C4orf50: variants seen among roughly 807,000 people sequenced by gnomAD.
The protein encoded by C4orf50 is chromosome 4 open reading frame 50.
In C4orf50, 80 loss-of-function variants were observed where a neutral mutation model predicts 77.2. The observed-to-expected ratio is 1.04, with a 90% confidence interval of 0.87 to 1.25. The LOEUF is 1.25. Ranked by LOEUF, C4orf50 falls within the 50% of genes most tolerant of loss-of-function variation. C4orf50 has a pLI of 0.00. For missense variants in C4orf50, 1,257 were observed against 1,152.9 expected (o/e 1.09, Z -1.31); for synonymous variants, 532 against 465.3 (o/e 1.14, Z -1.84).
chr4:5,914,143 C>T (rs943103307), intron 7 of C4orf50, among the ~76,000 whole-genome samples: 8 of 150,930 alleles, frequency 5.3e-5, no homozygotes, highest in African/African-American at 1.5e-4. Flanking sequence ...GAAACTTACC[C>T]GCAGGGATAA....
intron 28 of C4orf50, among the ~76,000 whole-genome samples, chr4:5,981,473 C>T (rs951676490): frequency 2.8e-4 from 41 of 148,022 alleles, no homozygotes; most frequent in African/African-American, 9.5e-4. Flanking sequence ...GGCATGACCT[C>T]GGCTCACCGC....
At chr4:5,920,834 A>G (rs1560542002) in intron 7 of C4orf50, among the ~76,000 whole-genome samples, 1 of 152,002 alleles carries the variant, frequency 6.6e-6, no homozygotes, top group East Asian at 1.9e-4. Context: ...AACGCAAACA[A>G]CTCCGTGCTC....
intron 31 of C4orf50, among the ~76,000 whole-genome samples, chr4:5,968,796 C>T (rs922356278): frequency 2.0e-5 from 3 of 152,170 alleles, no homozygotes; most frequent in Admixed American, 6.5e-5. Context: ...GCTCCTTCAA[C>T]GCGAGACTGG....
At chr4:5,962,836 A>G (rs976351886) in intron 33 of C4orf50, among the ~76,000 whole-genome samples, 3 of 152,126 alleles carry the variant, frequency 2.0e-5, no homozygotes, top group Non-Finnish European at 2.9e-5. Context: ...TGCTGTTGCT[A>G]TCACTGTCGT....
chr4:5,971,625 G>C (rs1299878486), intron 31 of C4orf50, among the ~76,000 whole-genome samples: 1 of 152,126 alleles, frequency 6.6e-6, no homozygotes. Flanking sequence ...TCTCGTTCTG[G>C]GCTCTCAAGT....
intron 26 of C4orf50, among the ~76,000 whole-genome samples, chr4:5,993,348 G>A (rs1299436900): frequency 6.6e-6 from 1 of 152,238 alleles, no homozygotes; most frequent in South Asian, 2.1e-4. Context: ...AAGGGAAAAC[G>A]CTGGTTGCAT....
At chr4:5,997,280 G>C (rs12500520) in intron 25 of C4orf50, among the ~76,000 whole-genome samples, 38,592 of 152,170 alleles carry the variant, frequency 0.25, 5,651 homozygotes, top group East Asian at 0.62. Flanking sequence ...TGCTCGCTGA[G>C]CATCTACTAT....
intron 7 of C4orf50, among the ~76,000 whole-genome samples, chr4:5,948,659 G>C (rs796852318): frequency 7.2e-5 from 11 of 152,272 alleles, no homozygotes; most frequent in African/African-American, 2.6e-4. Context: ...GCCGGGTGTG[G>C]TGCCATGCAC....
intron 32 of C4orf50, 132 bp from the exon 11 acceptor site, chr4:5,965,277 G>GT: frequency 2.3e-6 from 2 of 885,720 alleles, no homozygotes; most frequent in Admixed American, 2.8e-5. Context: ...CATGCCCCGG[G>GT]GCAGAGGTCC....
chr4:5,921,707 T>A (rs1717282248), intron 7 of C4orf50, among the ~76,000 whole-genome samples: 1 of 152,150 alleles, frequency 6.6e-6, no homozygotes, highest in African/African-American at 2.4e-5. Flanking sequence ...AAAGCTTCCA[T>A]GCAAAGGTAG....
intron 7 of C4orf50, among the ~76,000 whole-genome samples, chr4:5,935,513 T>C (rs28495535): frequency 0.25 from 37,359 of 152,006 alleles, 6,210 homozygotes; most frequent in African/African-American, 0.47. Flanking sequence ...CAGGGCTGGG[T>C]GTGGTGGCTC....
At chr4:6,005,532 T>G (rs187972754) in intron 25 of C4orf50, among the ~76,000 whole-genome samples, 10 of 152,284 alleles carry the variant, frequency 6.6e-5, no homozygotes, top group Non-Finnish European at 1.3e-4. Flanking sequence ...TCTCGAGGTC[T>G]GGGCAGCAGG....
rs190595984 is a variant in C4orf50, at chr4:6,016,286, C to T, written c.287+1859G>A. On this transcript the variant is annotated intron_variant, in intron 23 of 33. Transcript: ENST00000531445. ...TTTTGTGGCCAGGTGTGGTGGCTCA[C>T]GTCTATAATCCCAACACTTTGGGAG... Among the ~76,000 whole-genome samples the T allele has an allele frequency of 1.6e-4, 25 of 152,238 alleles. No individual in the cohort carries two copies. In the East Asian group the frequency reaches 3.9e-3, roughly 24 times the overall value.
chr4:5,955,105 A>G (rs1718894443), downstream of C4orf50, among the ~76,000 whole-genome samples: 1 of 151,618 alleles, frequency 6.6e-6, no homozygotes, highest in Non-Finnish European at 1.5e-5. This position sits in a 1 kb window ranked among gnomAD's most constrained non-coding sequence, Gnocchi z 5.1. Context: ...TCTCCTTCCC[A>G]CCTGCACCTT....
In C4orf50 at chr4:5,932,086, G is replaced by C. The variant is rs546177211; in HGVS notation, c.*2474+24815C>G. 1.6e-5 allele frequency among the ~76,000 whole-genome samples: 2 copies of C among 123,422 alleles called. No homozygotes were observed. Among genetic ancestry groups the C allele is most frequent in the Non-Finnish European group, 3.1e-5 (2 of 64,084 alleles). The allele number at this position is 123,422 out of a possible 152,430, so 81.0% of individuals were successfully genotyped here. On this transcript the variant is annotated intron_variant, in intron 7 of 7. Coordinates refer to the C4orf50 transcript ENST00000324058. The surrounding 1 kb of genome is among the most constrained non-coding windows in gnomAD (Gnocchi z 4.2). ...CCCCTGCCAACTGTCTCTAATTTCC[G>C]TGCAATGTTTGGCCTCTTGCCCCCC... is the stretch of plus-strand genomic sequence containing the variant.
intron 25 of C4orf50, among the ~76,000 whole-genome samples, chr4:5,998,860 C>T (rs570723473): frequency 6.6e-6 from 1 of 152,212 alleles, no homozygotes; most frequent in Non-Finnish European, 1.5e-5. Flanking sequence ...TGCAGATAAA[C>T]CACGTTTGTC....
At chr4:5,903,414 G>A (rs1218273289) in intron 7 of C4orf50, 2 of 152,170 alleles carry the variant, frequency 1.3e-5, no homozygotes, top group African/African-American at 4.8e-5. Context: ...CTCAATGCGT[G>A]AATGATAAAC....
rs539562983 is a variant in C4orf50, at chr4:5,987,276, CG to C, written c.3699+1070del. ...AATACAAAAAACTAGCCGGGCATGG[CG>C]GCATGTGCCTGTGGCCCCAGCTACT... is the stretch of plus-strand genomic sequence containing the variant. On this transcript the variant is annotated intron_variant, in intron 28 of 33. Coordinates refer to ENST00000531445, the Ensembl canonical transcript of C4orf50. 1.9e-4 allele frequency among the ~76,000 whole-genome samples: 29 copies of C among 151,496 alleles called. No homozygotes were observed. In the South Asian group the frequency reaches 2.5e-3, roughly 13 times the overall value.
intron 33 of C4orf50, among the ~76,000 whole-genome samples, chr4:5,961,823 T>G (rs990511419): frequency 1.3e-5 from 2 of 152,148 alleles, no homozygotes; most frequent in African/African-American, 4.8e-5. Context: ...TCTTCTCCTT[T>G]TTTTTTGCTA....
Sources: gnomAD v4.1 joint callset for allele counts (sites outside exome capture counted in the v4.1 genomes callset) on GRCh38, gnomAD v4.1.1 for gene constraint, Gnocchi (gnomAD v3.1) non-coding constraint, MANE v1.5 for transcripts, NCBI Gene and HGNC (gene_info 2026-07-23, HGNC 2026-07-21) for gene names.